The following ZBTB16 variants were observed in gnomAD, a reference collection of about 807,000 sequenced individuals.
The protein encoded by ZBTB16 is zinc finger and BTB domain-containing protein 16.
ZBTB16 carries 8 observed loss-of-function variants against 56.8 expected under a neutral mutation model. That is an observed-to-expected ratio of 0.14 (90% CI 0.08 to 0.25). The LOEUF is 0.25. Ranked by LOEUF, ZBTB16 falls within the 10% of genes least tolerant of loss-of-function variation. The probability of loss-of-function intolerance (pLI) is 1.00; values close to 1 mark genes in which losing one functional copy is unlikely to be tolerated. For missense variants in ZBTB16, 625 were observed against 903.0 expected (o/e 0.69, Z 3.95); for synonymous variants, 363 against 368.5 (o/e 0.98, Z 0.17).
intron 2 of ZBTB16, among the ~76,000 whole-genome samples, chr11:114,088,427 T>A (rs1446975043): frequency 6.6e-6 from 1 of 152,086 alleles, no homozygotes; most frequent in Non-Finnish European, 1.5e-5. Flanking sequence ...CAGGTGTGAG[T>A]CACTGTGCCC....
At chr11:114,233,116 C>T (rs1328483779) in intron 4 of ZBTB16, among the ~76,000 whole-genome samples, 4 of 41,942 alleles carry the variant, frequency 9.5e-5, no homozygotes, top group African/African-American at 2.1e-4. Flanking sequence ...CACACACACA[C>T]ACACACACAC....
chr11:114,148,430 T>TGTCTGTCTGTCC (rs1565651829), intron 2 of ZBTB16, among the ~76,000 whole-genome samples: 7 of 70,934 alleles, frequency 9.9e-5, no homozygotes, highest in African/African-American at 4.4e-4. Flanking sequence ...CCTCCCTCTC[T>TGTCTGTCTGTCC]CTCTCTTTCT....
At chr11:114,208,692 C>T (rs546331509) in intron 4 of ZBTB16, among the ~76,000 whole-genome samples, 15 of 152,190 alleles carry the variant, frequency 9.9e-5, no homozygotes, top group South Asian at 6.2e-4. Context: ...CTTCTTTTAT[C>T]TTGCACCTAC....
At position 114,253,402 on chromosome 11, in the gene ZBTB16, G is replaced by A. The variant is rs1374799568; in HGVS notation, c.*2847G>A. ...CCCTTTCCTTTTGTAATGTGAATAG[G>A]AAGACAAAAGACAAAAAAAAATCCA... is the stretch of plus-strand genomic sequence containing the variant. On this transcript the variant is annotated 3_prime_UTR_variant, in exon 7 of 7. Transcript: ENST00000335953. 5.8e-5 allele frequency among the ~76,000 whole-genome samples: 8 copies of A among 137,454 alleles called. No individual in the cohort carries two copies. The Admixed American group carries it at 5.8e-4, about 10-fold the overall frequency. The allele number at this position is 137,454 out of a possible 152,430, so 90.2% of individuals were successfully genotyped here. A position where few individuals can be genotyped will look rare whatever the true frequency, so the allele number is the denominator to read the frequency against.
chr11:114,089,279 A>T (rs1262728578), intron 2 of ZBTB16, among the ~76,000 whole-genome samples: 1 of 152,188 alleles, frequency 6.6e-6, no homozygotes, highest in African/African-American at 2.4e-5. Flanking sequence ...TCATTTGTAC[A>T]TTATAGGTAT....
At chr11:114,120,361 C>G (rs1431810448) in intron 2 of ZBTB16, among the ~76,000 whole-genome samples, 2 of 152,164 alleles carry the variant, frequency 1.3e-5, no homozygotes, top group African/African-American at 4.8e-5. Flanking sequence ...TAAAGACCGC[C>G]TTAGCGAGTT....
intron 4 of ZBTB16, among the ~76,000 whole-genome samples, chr11:114,231,791 G>A (rs1301860054): frequency 1.3e-5 from 2 of 152,108 alleles, no homozygotes; most frequent in East Asian, 1.9e-4. Context: ...AAATGCTGAC[G>A]TCCATCTCAG....
intron 3 of ZBTB16, among the ~76,000 whole-genome samples, chr11:114,175,185 A>T (rs764570313): frequency 6.6e-6 from 1 of 152,218 alleles, no homozygotes; most frequent in Non-Finnish European, 1.5e-5. Context: ...GATGATGCAC[A>T]TGAAGGTGCC....
intron 2 of ZBTB16, among the ~76,000 whole-genome samples, chr11:114,105,648 C>A (rs1940764849): frequency 6.6e-6 from 1 of 152,174 alleles, no homozygotes; most frequent in Non-Finnish European, 1.5e-5. Context: ...CTGTCCCCTC[C>A]CTGAGTTCCC....
At chr11:114,200,389 A>G (rs988648291) in intron 4 of ZBTB16, among the ~76,000 whole-genome samples, 2 of 152,186 alleles carry the variant, frequency 1.3e-5, no homozygotes, top group Non-Finnish European at 2.9e-5. Context: ...TGTTCTAGAA[A>G]TTGGAGGGGA....
intron 2 of ZBTB16, among the ~76,000 whole-genome samples, chr11:114,154,912 G>A (rs970734304): frequency 2.6e-5 from 4 of 152,224 alleles, no homozygotes; most frequent in African/African-American, 7.2e-5. Flanking sequence ...TGCTGTGGGA[G>A]CCCATTGACT....
intron 2 of ZBTB16, among the ~76,000 whole-genome samples, chr11:114,142,364 C>T (rs1941975156): frequency 1.3e-5 from 2 of 152,188 alleles, no homozygotes; most frequent in Admixed American, 6.5e-5. Flanking sequence ...TAGTTAATTG[C>T]ACAACGGATT....
At position 114,205,267 on chromosome 11, in the gene ZBTB16, G is replaced by A. The variant is rs192123545; in HGVS notation, c.1453+18229G>A. ...TACTAAAAATACAAAAAAATTAGCC[G>A]GGCGTAGTGGTGGGCGCCTGTAGTC... On this transcript the variant is annotated intron_variant, in intron 4 of 6. Coordinates refer to ENST00000335953, the MANE Select transcript of ZBTB16 (RefSeq NM_006006.6). 1.1e-3 allele frequency among the ~76,000 whole-genome samples: 170 copies of A among 152,120 alleles called. 1 individual carries two copies. The highest frequency in any genetic ancestry group is 3.4e-3 in the African/African-American group (141 of 41,484).
At chr11:114,089,994 C>A (rs1940125062) in intron 2 of ZBTB16, among the ~76,000 whole-genome samples, 1 of 152,232 alleles carries the variant, frequency 6.6e-6, no homozygotes, top group African/African-American at 2.4e-5. Context: ...CTCTTGCTTG[C>A]TGCTGCTGTG....
At chr11:114,194,482 G>C (rs1169061818) in intron 4 of ZBTB16, among the ~76,000 whole-genome samples, 1 of 152,144 alleles carries the variant, frequency 6.6e-6, no homozygotes, top group Non-Finnish European at 1.5e-5. Flanking sequence ...CTGGGCTCAG[G>C]CTTTGTTGTC....
chr11:114,098,596 C>T (rs1813736066), intron 2 of ZBTB16, among the ~76,000 whole-genome samples: 1 of 150,636 alleles, frequency 6.6e-6, no homozygotes, highest in Non-Finnish European at 1.5e-5. Context: ...CAAAAACCAG[C>T]ACGGGAGCCT....
At chr11:114,124,851 G>A (rs1248071756) in intron 2 of ZBTB16, among the ~76,000 whole-genome samples, 1 of 152,178 alleles carries the variant, frequency 6.6e-6, no homozygotes, top group Non-Finnish European at 1.5e-5. Flanking sequence ...AGTGCAGCAC[G>A]AGGGTGCTGT....
In ZBTB16 at chr11:114,100,038, C is replaced by T. The variant is rs1940553785; in HGVS notation, c.1268+35470C>T. On this transcript the variant is annotated intron_variant, in intron 2 of 6. Coordinates refer to ENST00000335953, the MANE Select transcript of ZBTB16 (RefSeq NM_006006.6). ...AAGAAACATGAGCTCCCTTTTAGAGCACCCCAAAGCAGCTGCATTCTTGAG... is the reference window on the plus strand; with the variant it reads ...AAGAAACATGAGCTCCCTTTTAGAGTACCCCAAAGCAGCTGCATTCTTGAG... Among the ~76,000 whole-genome samples the T allele has an allele frequency of 1.3e-5, 2 of 152,220 alleles. 1 individual carries two copies. The highest frequency in any genetic ancestry group is 4.1e-4 in the South Asian group (2 of 4,828).
chr11:114,099,671 G>A (rs1481280343), intron 2 of ZBTB16, among the ~76,000 whole-genome samples: 1 of 152,146 alleles, frequency 6.6e-6, no homozygotes, highest in Non-Finnish European at 1.5e-5. Context: ...GGAGGGTGAG[G>A]GGTATGAGGA....
Sources: gnomAD v4.1 joint callset for allele counts (sites outside exome capture counted in the v4.1 genomes callset) on GRCh38, gnomAD v4.1.1 for gene constraint, MANE v1.5 for transcripts, NCBI Gene and HGNC (gene_info 2026-07-23, HGNC 2026-07-21) for gene names.